The following NPLOC4 variants were observed in gnomAD, a reference collection of about 807,000 sequenced individuals.
NPLOC4 encodes NPL4 homolog, ubiquitin recognition factor.
A neutral mutation model predicts 80.6 loss-of-function variants in NPLOC4; 18 were observed. The observed-to-expected ratio is 0.22, with a 90% CI of 0.15 to 0.33. The LOEUF is 0.33. Among genes scored for constraint, NPLOC4 ranks in the 10% least tolerant of loss-of-function variants. NPLOC4 has a pLI of 1.00. For missense variants in NPLOC4, 540 were observed against 786.1 expected, an observed-to-expected ratio of 0.69 and a Z score of 3.74; for synonymous variants, 313 against 301.5, an observed-to-expected ratio of 1.04 and a Z score of -0.39.
chr17:81,587,100 C>T (rs1279067393), intron 12 of NPLOC4, among the ~76,000 whole-genome samples: 1 of 152,078 alleles, frequency 6.6e-6, no homozygotes, highest in Non-Finnish European at 1.5e-5. Flanking sequence ...ATATGCTAAC[C>T]CATAATTAGA....
chr17:81,567,445 AG>A lies in NPLOC4; in HGVS notation c.1537del (p.Leu513TrpfsTer80). The A allele has an allele frequency of 1.2e-6, 2 of 1,613,158 alleles. No individual in the cohort carries two copies. The highest frequency in any genetic ancestry group is 1.7e-6 in the Non-Finnish European group (2 of 1,179,264). ...TISDFHLLLF[L>X]VTNEVMPLQD... ...CAGAGGCATAACTTCATTGGTGACC[AG>A]GAACAGCAAGAGGTGGAAATCTGAG... On this transcript the variant is annotated frameshift_variant, in exon 15 of 17. Transcript: ENST00000331134. LOFTEE classifies it high-confidence loss of function. This position sits in a 1 kb window ranked among gnomAD's most constrained non-coding sequence, Gnocchi z 4.5.
rs1568139932 is a variant in NPLOC4, at chr17:81,595,536, T to TA, written c.1120+579_1120+580insT. Among the ~76,000 whole-genome samples the TA allele has an allele frequency of 2.9e-3, 323 of 112,656 alleles. 1 individual carries two copies. Among genetic ancestry groups the TA allele is most frequent in the African/African-American group, 9.5e-3 (272 of 28,738 alleles). 73.9% of individuals were successfully genotyped at this position (112,656 alleles called of 152,430 possible). ...TATACATATACATATATATATATAT[T>TA]TTTTTTTTCTTTTCTTTTCTTTTTT... On this transcript the variant is annotated intron_variant, in intron 11 of 16. Coordinates refer to ENST00000331134, the MANE Select transcript of NPLOC4 (RefSeq NM_017921.4).
rs1033751859 is a variant in NPLOC4, at chr17:81,577,089, A to G, written c.1282-5001T>C. Among the ~76,000 whole-genome samples the G allele has an allele frequency of 1.3e-5, 2 of 152,208 alleles. No homozygotes were observed. Among genetic ancestry groups the G allele is most frequent in the Non-Finnish European group, 2.9e-5 (2 of 68,032 alleles). On this transcript the variant is annotated intron_variant, in intron 12 of 16. Coordinates refer to ENST00000331134, the MANE Select transcript of NPLOC4 (RefSeq NM_017921.4). This position sits in a 1 kb window ranked among gnomAD's most constrained non-coding sequence, Gnocchi z 4.3. ...TGCCAACAAACCCCACGGCCTGCTG[A>G]GTAAGCAATGCCTGGCCACAGCAAG...
chr17:81,585,578 C>T (rs112612275), intron 12 of NPLOC4, among the ~76,000 whole-genome samples: 1 of 150,074 alleles, frequency 6.7e-6, no homozygotes, highest in Non-Finnish European at 1.5e-5. Context: ...AGGAGAATCG[C>T]AGAACTCAGG....
intron 11 of NPLOC4, among the ~76,000 whole-genome samples, chr17:81,592,876 T>C (rs1473196856): frequency 1.3e-5 from 2 of 152,158 alleles, no homozygotes; most frequent in Non-Finnish European, 2.9e-5. Context: ...CCCAGCTACT[T>C]GGGAGACTGA....
At chr17:81,593,894 G>A (rs1009592747) in intron 11 of NPLOC4, among the ~76,000 whole-genome samples, 3 of 152,042 alleles carry the variant, frequency 2.0e-5, no homozygotes, top group African/African-American at 7.2e-5. Flanking sequence ...GTTCTGTAAT[G>A]CAGAATTCCC....
chr17:81,587,844 ATT>A (rs926538360), intron 12 of NPLOC4, among the ~76,000 whole-genome samples: 7 of 119,596 alleles, frequency 5.9e-5, no homozygotes. Flanking sequence ...TATTTTTTGT[ATT>A]TTTTTTTTTT....
intron 11 of NPLOC4, among the ~76,000 whole-genome samples, chr17:81,591,463 A>AAAC (rs1555681883): frequency 1.3e-5 from 2 of 150,754 alleles, no homozygotes; most frequent in African/African-American, 2.4e-5. Context: ...AAAAAAAAAA[A>AAAC]AAAAAAAAAC....
In NPLOC4 at chr17:81,559,169, G is replaced by A; in HGVS notation, c.*90C>T. 3 of 1,393,812 alleles carry A rather than the reference G, an allele frequency of 2.2e-6. No homozygotes were observed. Among genetic ancestry groups the A allele is most frequent in the East Asian group, 2.5e-5 (1 of 39,588 alleles). 86.3% of individuals were successfully genotyped at this position (1,393,812 alleles called of 1,614,324 possible). ...TTGTTCCTCCAGGGCTGCCCACTAT[G>A]GGGCAGTTACAGGGAACACACTCAG... On this transcript the variant is annotated 3_prime_UTR_variant, in exon 17 of 17. Transcript: ENST00000331134.
In NPLOC4 at chr17:81,635,728, A is replaced by G. The variant is rs1257932145; in HGVS notation, c.15+1188T>C. ...GGCCTGGAGACCTATTCTAGACAAC[A>G]CCTGGCAAAACTGCAGAGACTGTCA... On this transcript the variant is annotated intron_variant, in intron 1 of 16. Transcript: ENST00000331134. Among the ~76,000 whole-genome samples, 4 of 152,200 alleles carry G rather than the reference A, an allele frequency of 2.6e-5. No homozygotes were observed. The South Asian group carries it at 6.2e-4, about 24-fold the overall frequency.
In NPLOC4 at chr17:81,565,580, C is replaced by T. The variant is rs774599319; in HGVS notation, c.1594G>A (p.Val532Met). Reference sequence around the variant, plus strand: ...GCGAGCTCCTCATTTCTGGTCCGCACGGCCTCCAGCAGCAAGCTGATGCTG... The same window carrying T: ...GCGAGCTCCTCATTTCTGGTCCGCATGGCCTCCAGCAGCAAGCTGATGCTG... ...QDSISLLLEAVRTRNEELAQT... is the reference protein window; with the variant it reads ...QDSISLLLEAMRTRNEELAQT... Residue 532 changes from valine (V) to methionine (M), a missense_variant, in exon 16 of 17, where the codon GTG becomes ATG. By Grantham distance (21) the Val-to-Met change is conservative. Transcript: ENST00000331134. The T allele has an allele frequency of 1.0e-5, 16 of 1,553,622 alleles. No homozygotes were observed. Among genetic ancestry groups the T allele is most frequent in the Admixed American group, 5.8e-5 (3 of 51,578 alleles).
rs540749432 is a variant in NPLOC4 at position 81,628,278 on chromosome 17, A to G, written c.96+1447T>C. Among the ~76,000 whole-genome samples the G allele has an allele frequency of 4.0e-5, 6 of 151,766 alleles. No individual in the cohort carries two copies. The South Asian group carries it at 6.3e-4, about 16-fold the overall frequency. The stretch of plus-strand genomic sequence containing the variant: ...TTCATGGCTGGGCACGGTGGCTCAC[A>G]CTGAAGCGGGTGGATCACGAGGTCG... On this transcript the variant is annotated intron_variant, in intron 2 of 16. Transcript: ENST00000331134.
At chr17:81,594,410 AATC>A (rs1352545082) in intron 11 of NPLOC4, among the ~76,000 whole-genome samples, 1 of 152,104 alleles carries the variant, frequency 6.6e-6, no homozygotes, top group African/African-American at 2.4e-5. Context: ...TCATTTCAAA[AATC>A]AATCTAAATG....
chr17:81,634,447 GA>G (rs35549457), intron 1 of NPLOC4, among the ~76,000 whole-genome samples: 117 of 150,322 alleles, frequency 7.8e-4, no homozygotes, highest in African/African-American at 2.7e-3. Context: ...ACACTAGTGG[GA>G]AAAAAAAAAT....
At chr17:81,597,380 G>C (rs989309661) in intron 9 of NPLOC4, 64 bp from the exon 10 acceptor site, 13 of 1,286,670 alleles carry the variant, frequency 1.0e-5, no homozygotes, top group Non-Finnish European at 4.5e-6. Flanking sequence ...GCTGGGCGCA[G>C]TGACTCACGC....
rs561774016 is a variant in NPLOC4, at chr17:81,570,118, G to A, written c.1354-1007C>T. 7.9e-5 allele frequency among the ~76,000 whole-genome samples: 12 copies of A among 152,362 alleles called. No homozygotes were observed. The East Asian group carries it at 9.6e-4, about 12-fold the overall frequency. The stretch of plus-strand genomic sequence containing the variant: ...AGGATTTGCTGTGCCAGCGCCAGCC[G>A]CTGTGGAAGGACAGCTGAGCCACCA... On this transcript the variant is annotated intron_variant, in intron 13 of 16. Transcript: ENST00000331134.
intron 9 of NPLOC4, among the ~76,000 whole-genome samples, chr17:81,597,919 C>T (rs535606056): frequency 4.6e-5 from 7 of 150,540 alleles, no homozygotes; most frequent in Non-Finnish European, 8.9e-5. Context: ...ATGGTGAAAT[C>T]CCGTCTCTAC....
chr17:81,616,333 A>AGAAAAAAAAGAAAC lies in NPLOC4; in HGVS notation c.210-2840_210-2839insGTTTCTTTTTTTTC, dbSNP rs1555686395. On this transcript the variant is annotated intron_variant, in intron 3 of 16. Transcript: ENST00000331134. ...AAGACTCTGTCTCAAAAAAAAAAAA[A>AGAAAAAAAAGAAAC]AAAAAGAAAAGCAAAGCTGCTAAAT... 2.6e-5 allele frequency among the ~76,000 whole-genome samples: 3 copies of AGAAAAAAAAGAAAC among 115,636 alleles called. 1 individual carries two copies. The highest frequency in any genetic ancestry group is 3.4e-5 in the African/African-American group (1 of 28,990). 75.9% of individuals were successfully genotyped at this position (115,636 alleles called of 152,430 possible). A position where few individuals can be genotyped will look rare whatever the true frequency, so the allele number is the denominator to read the frequency against.
intron 13 of NPLOC4, among the ~76,000 whole-genome samples, chr17:81,571,593 C>A (rs1446159791): frequency 6.6e-6 from 1 of 152,216 alleles, no homozygotes; most frequent in Non-Finnish European, 1.5e-5. Flanking sequence ...AGGGCAAGCA[C>A]CTGCACGTGC....
Sources: gnomAD v4.1 joint callset for allele counts (sites outside exome capture counted in the v4.1 genomes callset) on GRCh38, gnomAD v4.1.1 for gene constraint, Gnocchi (gnomAD v3.1) non-coding constraint, MANE v1.5 for transcripts, NCBI Gene and HGNC (gene_info 2026-07-23, HGNC 2026-07-21) for gene names.